The following CFAP74 variants were observed in gnomAD, a reference collection of about 807,000 sequenced individuals.
CFAP74 encodes the protein cilia- and flagella-associated protein 74.
CFAP74 carries 124 observed loss-of-function variants against 188.9 expected under a neutral mutation model. That is an observed-to-expected ratio of 0.66 (90% CI 0.57 to 0.76). The LOEUF (loss-of-function observed/expected upper bound fraction) is 0.76, where lower values mean the gene tolerates loss of function less well. Among genes scored for constraint, CFAP74 ranks in the 30% least tolerant of loss-of-function variants. The probability of loss-of-function intolerance (pLI) is 0.00; values close to 1 mark genes in which losing one functional copy is unlikely to be tolerated. For missense variants in CFAP74, 2,198 were observed against 2,165.2 expected (o/e 1.02, Z -0.30); for synonymous variants, 956 against 916.7 (o/e 1.04, Z -0.77).
intron 12 of CFAP74, among the ~76,000 whole-genome samples, chr1:1,965,356 C>T (rs532225351): frequency 6.6e-6 from 1 of 152,314 alleles, no homozygotes; most frequent in Non-Finnish European, 1.5e-5. Context: ...AGGTGGATTT[C>T]TGGGAAATGA....
Position 1,922,342 on chromosome 1 carries a change from TC to T in CFAP74, c.4864del (p.Asp1622MetfsTer2). ...GATGACCTTGTAGGTCTCCTTCACATCCCCCCTTAGCTGCAGCAGGGCCGAC... is the reference window on the plus strand; with the variant it reads ...GATGACCTTGTAGGTCTCCTTCACATCCCCCTTAGCTGCAGCAGGGCCGAC... The part of the protein sequence containing the change: ...MVSALLQLRG[D>X]VKETYKVIFV... On this transcript the variant is annotated frameshift_variant, in exon 39 of 39. Coordinates refer to ENST00000682832, the MANE Select transcript of CFAP74 (RefSeq NM_001304360.2). LOFTEE classifies it high-confidence loss of function. 1 of 1,604,242 alleles carries T rather than the reference TC, an allele frequency of 6.2e-7. No homozygotes were observed. The highest frequency in any genetic ancestry group is 1.7e-5 in the Admixed American group (1 of 57,170).
Position 1,956,787 on chromosome 1 carries a change from G to T in CFAP74, c.1852-3C>A, listed in dbSNP as rs1463294726. On this transcript the variant is annotated splice_polypyrimidine_tract_variant and splice_region_variant and intron_variant, in intron 16 of 38. Transcript: ENST00000682832. ...ATGAGCTCCTTGTCGAGGGACAGCTGCCAGAGGACATGGAGTGAACTCAGG... is the reference window on the plus strand; with the variant it reads ...ATGAGCTCCTTGTCGAGGGACAGCTTCCAGAGGACATGGAGTGAACTCAGG... The T allele has an allele frequency of 6.2e-7, 1 of 1,611,634 alleles. No individual in the cohort carries two copies. The highest frequency in any genetic ancestry group is 8.5e-7 in the Non-Finnish European group (1 of 1,178,832).
intron 4 of CFAP74, among the ~76,000 whole-genome samples, chr1:1,987,618 T>C (rs1370358082): frequency 6.6e-6 from 1 of 151,518 alleles, no homozygotes; most frequent in Non-Finnish European, 1.5e-5. Flanking sequence ...CTCGGCTCAC[T>C]GCAACCTCCG....
In CFAP74 at chr1:1,986,007, G is replaced by A. The variant is rs77451850; in HGVS notation, c.396-517C>T. Among the ~76,000 whole-genome samples, 1,511 of 152,350 alleles carry A rather than the reference G, an allele frequency of 9.9e-3. 30 individuals are homozygous for A. Among genetic ancestry groups the A allele is most frequent in the Middle Eastern group, 0.034 (10 of 294 alleles). Reference sequence around the variant, plus strand: ...CCAGAGGTCCCGGCCATGTGGACACGGGTGGTGGGCTTTGAGCAGCTGGCC... The same window carrying A: ...CCAGAGGTCCCGGCCATGTGGACACAGGTGGTGGGCTTTGAGCAGCTGGCC... On this transcript the variant is annotated intron_variant, in intron 5 of 38. Coordinates refer to ENST00000682832, the MANE Select transcript of CFAP74 (RefSeq NM_001304360.2).
At chr1:1,986,879 T>G in intron 5 of CFAP74, 58 bp downstream of exon 5, 1 of 1,453,196 alleles carries the variant, frequency 6.9e-7, no homozygotes, top group Non-Finnish European at 9.5e-7. Context: ...GGTGAACCAG[T>G]GAACCTCCGG....
chr1:1,951,813 G>A (rs1256984398), intron 18 of CFAP74, among the ~76,000 whole-genome samples: 2 of 152,164 alleles, frequency 1.3e-5, no homozygotes, highest in African/African-American at 4.8e-5. Flanking sequence ...GCTCACGCCT[G>A]TAATCTTAGC....
intron 2 of CFAP74, 47 bp downstream of exon 2, chr1:1,990,843 T>C (rs1657525343): frequency 2.0e-6 from 3 of 1,468,332 alleles, no homozygotes; most frequent in Admixed American, 1.8e-5. Context: ...TGTCATTTGT[T>C]TGTCTTTTTG....
At chr1:1,935,758 T>G (rs1652847478) in intron 25 of CFAP74, among the ~76,000 whole-genome samples, 1 of 151,674 alleles carries the variant, frequency 6.6e-6, no homozygotes, top group East Asian at 1.9e-4. Flanking sequence ...GTATTTTGGG[T>G]GGAGGGTACA....
chr1:1,944,526 A>G lies in CFAP74; in HGVS notation c.2365-74T>C, dbSNP rs1653618253. The G allele has an allele frequency of 8.2e-6, 12 of 1,464,626 alleles. No homozygotes were observed. In the South Asian group the frequency reaches 1.1e-4, roughly 13 times the overall value. 90.7% of individuals were successfully genotyped at this position (1,464,626 alleles called of 1,614,324 possible). On this transcript the variant is annotated intron_variant, in intron 20 of 38. Transcript: ENST00000682832. ...AGGCATTGTTGGTGAGCACTGACAC[A>G]GCTCCCAGGAGGAACGTTTCATGGG...
chr1:1,926,531 C>A lies in CFAP74; in HGVS notation c.3773-19G>T, dbSNP rs1248481992. 1 of 1,549,798 alleles carries A rather than the reference C, an allele frequency of 6.5e-7. No homozygotes were observed. Among genetic ancestry groups the A allele is most frequent in the East Asian group, 2.4e-5 (1 of 40,916 alleles). Reference sequence around the variant, plus strand: ...CGGTGCCCTGAAATGGGGCAGGGAGCGTCAGGCCCCAGCCCCAGGCCCCAG... The same window carrying A: ...CGGTGCCCTGAAATGGGGCAGGGAGAGTCAGGCCCCAGCCCCAGGCCCCAG... On this transcript the variant is annotated intron_variant, in intron 30 of 38. Transcript: ENST00000682832.
chr1:1,970,808 C>T lies in CFAP74; in HGVS notation c.897G>A (p.Leu299=), dbSNP rs777791341. Residue 299 remains leucine, a synonymous_variant, in exon 10 of 39, where the codon CTG becomes CTA. Coordinates refer to ENST00000682832, the MANE Select transcript of CFAP74 (RefSeq NM_001304360.2). ...CACGGTCCCATGCTTGGAACTTCCG[C>T]AGTGTGTCCTTGGAAACAGAGAGCA... The part of the protein sequence containing the change: ...KGSISANRDT[L]RKFQAWDRAK... The T allele has an allele frequency of 5.9e-5, 96 of 1,614,102 alleles. No individual in the cohort carries two copies. Among genetic ancestry groups the T allele is most frequent in the Middle Eastern group, 3.3e-4 (2 of 6,060 alleles).
chr1:1,949,379 T>G (rs1246391110), intron 18 of CFAP74, among the ~76,000 whole-genome samples: 1 of 152,056 alleles, frequency 6.6e-6, no homozygotes, highest in East Asian at 1.9e-4. Flanking sequence ...AGGCTGGTCT[T>G]GAACTCCTGA....
chr1:1,960,020 G>T lies in CFAP74; in HGVS notation c.1705C>A (p.Pro569Thr). 1.9e-6 allele frequency: 3 copies of T among 1,592,398 alleles called. No individual in the cohort carries two copies. The highest frequency in any genetic ancestry group is 2.6e-6 in the Non-Finnish European group (3 of 1,171,554). Reference sequence around the variant, plus strand: ...GACATTCCGGCTGACAGGGGGCCAGGGGGGTCAAAGCTGCAGGACGTGACC... The same window carrying T: ...GACATTCCGGCTGACAGGGGGCCAGTGGGGTCAAAGCTGCAGGACGTGACC... ...RDFIHVDFDP[P>T]GPLSAGMSCE... Residue 569 changes from proline (P) to threonine (T), a missense_variant, in exon 15 of 39, where the codon CCT becomes ACT. By Grantham distance (38) the Pro-to-Thr change is conservative. Transcript: ENST00000682832.
chr1:1,964,882 G>A lies in CFAP74; in HGVS notation c.1575+6C>T, dbSNP rs1655356549. On this transcript the variant is annotated splice_donor_region_variant and intron_variant, in intron 13 of 38. Transcript: ENST00000682832. ...CGTCCCGTTCCTGGCCCAGCTGCGG[G>A]CTCACCTGGAAGTGGAGGAGCTCCG... 3 of 1,613,326 alleles carry A rather than the reference G, an allele frequency of 1.9e-6. No individual in the cohort carries two copies. The highest frequency in any genetic ancestry group is 1.7e-6 in the Non-Finnish European group (2 of 1,179,904).
chr1:1,959,391 C>G (rs2102065038), intron 15 of CFAP74, among the ~76,000 whole-genome samples, 182 bp from the exon 16 acceptor site: 1 of 151,078 alleles, frequency 6.6e-6, no homozygotes, highest in African/African-American at 2.4e-5. Context: ...ACCTCAGCCT[C>G]TCCACTAGCT....
Position 1,965,023 on chromosome 1 carries a change from C to G in CFAP74, c.1440G>C (p.Gly480=). The change falls in exon 13 of 39, where the codon GGG becomes GGC. Residue 480 remains glycine, a synonymous_variant. Transcript: ENST00000682832. Reference sequence around the variant, plus strand: ...CCAGGATGTCCTTGTCCATCTTTGTCCCGCCCACGGGCTTTCGGTCCACGT... The same window carrying G: ...CCAGGATGTCCTTGTCCATCTTTGTGCCGCCCACGGGCTTTCGGTCCACGT... ...KEDVDRKPVG[G]TKMDKDILER... is the part of the protein sequence containing the mutation. The G allele has an allele frequency of 6.2e-7, 1 of 1,613,860 alleles. No individual in the cohort carries two copies. The highest frequency in any genetic ancestry group is 8.5e-7 in the Non-Finnish European group (1 of 1,179,894).
Position 1,923,518 on chromosome 1 carries a change from G to T in CFAP74, c.4390-19C>A, listed in dbSNP as rs756712132. On this transcript the variant is annotated intron_variant, in intron 35 of 38. Coordinates refer to ENST00000682832, the MANE Select transcript of CFAP74 (RefSeq NM_001304360.2). This position sits in a 1 kb window ranked among gnomAD's most constrained non-coding sequence, Gnocchi z 6.3. ...AGATTTTCTGGGGACAAGAAGTGGAGTGGCCTTGTCCCCGAAGCTCGGCGG... is the reference window on the plus strand; with the variant it reads ...AGATTTTCTGGGGACAAGAAGTGGATTGGCCTTGTCCCCGAAGCTCGGCGG... 1.2e-6 allele frequency: 2 copies of T among 1,602,216 alleles called. No individual in the cohort carries two copies. Among genetic ancestry groups the T allele is most frequent in the East Asian group, 4.5e-5 (2 of 44,546 alleles).
intron 11 of CFAP74, among the ~76,000 whole-genome samples, chr1:1,967,199 T>C (rs986459365): frequency 1.3e-5 from 2 of 152,154 alleles, no homozygotes; most frequent in Admixed American, 1.3e-4. Context: ...CCCAGGAGGA[T>C]GGCTGTGGTG....
intron 18 of CFAP74, among the ~76,000 whole-genome samples, chr1:1,950,081 G>C (rs531207740): frequency 6.6e-6 from 1 of 152,278 alleles, no homozygotes; most frequent in African/African-American, 2.4e-5. Flanking sequence ...CGTTTCGCTG[G>C]TGGCCATGCC....
Sources: allele counts gnomAD v4.1 joint callset (sites outside exome capture counted in the v4.1 genomes callset), GRCh38; gene constraint gnomAD v4.1.1; non-coding constraint Gnocchi (gnomAD v3.1); transcripts MANE v1.5; gene names NCBI Gene and HGNC (gene_info 2026-07-23, HGNC 2026-07-21).